The following DAND5 variants were observed in gnomAD, a reference collection of about 807,000 sequenced individuals.
The protein encoded by DAND5 is DAN domain BMP antagonist family member 5, also known as DAN domain family member 5.
Under a neutral mutation model 9.2 loss-of-function variants are expected in DAND5, and 8 were observed. That is an observed-to-expected ratio of 0.87 (90% confidence interval 0.51 to 1.56). DAND5 has a LOEUF of 1.56. Ranked by LOEUF, DAND5 falls within the 40% of genes most tolerant of loss-of-function variation. DAND5 has a pLI of 0.00. For synonymous variants in DAND5, 95 were observed against 101.1 expected (o/e 0.94, Z 0.36); for missense variants, 244 against 244.7 (o/e 1.00, Z 0.02).
rs372927869 is a variant in DAND5, at chr19:12,972,955, T to C, written c.325-434T>C. On this transcript the variant is annotated intron_variant, in intron 1 of 1. Transcript: ENST00000317060. ...TCGGCTCACTACAAGCTCCGCCTCC[T>C]GGGTTCACACCATTCTTCTGCCTCA... Among the ~76,000 whole-genome samples the C allele has an allele frequency of 5.9e-4, 87 of 146,896 alleles. 2 individuals are homozygous for C. Among genetic ancestry groups the C allele is most frequent in the South Asian group, 1.1e-3 (5 of 4,426 alleles).
intron 1 of DAND5, among the ~76,000 whole-genome samples, chr19:12,972,250 G>A (rs1599680035): frequency 6.6e-6 from 1 of 151,850 alleles, no homozygotes; most frequent in South Asian, 2.1e-4. Context: ...TAGTAGAGAC[G>A]GGGTTTCACC....
At chr19:12,973,052 C>CG (rs1322621510) in intron 1 of DAND5, among the ~76,000 whole-genome samples, 21 of 151,204 alleles carry the variant, frequency 1.4e-4, no homozygotes, top group South Asian at 2.1e-4. Flanking sequence ...TTAGTAGAGA[C>CG]GGGGTTTCAC....
chr19:12,973,116 C>T (rs947974472), intron 1 of DAND5, among the ~76,000 whole-genome samples: 14 of 152,090 alleles, frequency 9.2e-5, no homozygotes, highest in Non-Finnish European at 1.9e-4. Context: ...CCCGCCTTGG[C>T]CTCCCAAAGT....
rs200958741 is a variant in DAND5, at chr19:12,973,367, G to A, written c.325-22G>A. The A allele has an allele frequency of 2.4e-5, 38 of 1,611,502 alleles. No individual in the cohort carries two copies. The East Asian group carries it at 4.9e-4, about 21-fold the overall frequency. On this transcript the variant is annotated intron_variant, in intron 1 of 1. Coordinates refer to ENST00000317060, the MANE Select transcript of DAND5 (RefSeq NM_152654.3). ...GGCCCCAAACTCCGCCACCCTGACC[G>A]TCTCCATGCCTCCGGCCCCAGGTGT... is the stretch of plus-strand genomic sequence containing the variant.
chr19:12,970,059 G>A, intron 1 of DAND5, 75 bp downstream of exon 1: 1 of 1,560,376 alleles, frequency 6.4e-7, no homozygotes, highest in Non-Finnish European at 8.7e-7. Flanking sequence ...GCCCAAGAAA[G>A]ATTTGGGTTC....
In DAND5 at chr19:12,969,618, A is replaced by G. The variant is rs1355944231; in HGVS notation, c.-43A>G. The stretch of plus-strand genomic sequence containing the variant: ...GTCGACTGCTAGTGACCTTGAGCCC[A>G]GTCCGGACAGACAGACAGGCAGACA... On this transcript the variant is annotated 5_prime_UTR_variant, in exon 1 of 2. Coordinates refer to ENST00000317060, the MANE Select transcript of DAND5 (RefSeq NM_152654.3). The G allele has an allele frequency of 1.3e-6, 2 of 1,556,508 alleles. No homozygotes were observed. Among genetic ancestry groups the G allele is most frequent in the Non-Finnish European group, 1.7e-6 (2 of 1,154,586 alleles).
At chr19:12,973,284 A>G in intron 1 of DAND5, 105 bp from the exon 2 acceptor site, 1 of 1,491,438 alleles carries the variant, frequency 6.7e-7, no homozygotes, top group Non-Finnish European at 9.0e-7. Flanking sequence ...GCCTGGCTGC[A>G]GCATCCATGC....
chr19:12,970,790 C>T (rs1200992823), intron 1 of DAND5, among the ~76,000 whole-genome samples: 1 of 152,008 alleles, frequency 6.6e-6, no homozygotes, highest in African/African-American at 2.4e-5. Flanking sequence ...AAGTGATTCT[C>T]GTGCCTCAGC....
rs183259329 is a variant in DAND5 at position 12,972,102 on chromosome 19, A to G, written c.325-1287A>G. On this transcript the variant is annotated intron_variant, in intron 1 of 1. Coordinates refer to ENST00000317060, the MANE Select transcript of DAND5 (RefSeq NM_152654.3). The stretch of plus-strand genomic sequence containing the variant: ...GAGACGGAGTCTCGCTCTGTCGCCC[A>G]GGCTGGAGTGCGGTGGTGGGATCTC... 7.4e-3 allele frequency among the ~76,000 whole-genome samples: 1,051 copies of G among 142,096 alleles called. 5 individuals are homozygous for G. The highest frequency in any genetic ancestry group is 0.011 in the Non-Finnish European group (738 of 66,380). The allele number at this position is 142,096 out of a possible 152,430, so 93.2% of individuals were successfully genotyped here.
chr19:12,970,275 G>A (rs11670895), intron 1 of DAND5, among the ~76,000 whole-genome samples: 26,929 of 151,300 alleles, frequency 0.18, 2,977 homozygotes, highest in Middle Eastern at 0.4. Flanking sequence ...ACCTTGCATG[G>A]CTCCCACTTT....
rs186949611 is a variant in DAND5 at position 12,970,556 on chromosome 19, T to G, written c.324+572T>G. 2.5e-5 allele frequency: 13 copies of G among 529,964 alleles called. No homozygotes were observed. In the East Asian group the frequency reaches 3.9e-4, roughly 16 times the overall value. The allele number at this position is 529,964 out of a possible 1,614,324, so 32.8% of individuals were successfully genotyped here. ...TCTAGGTGTGAGCCCGTCTCTTGCTTGATATACCAACTTTCTTTCTTTTCT... is the reference window on the plus strand; with the variant it reads ...TCTAGGTGTGAGCCCGTCTCTTGCTGGATATACCAACTTTCTTTCTTTTCT... On this transcript the variant is annotated intron_variant, in intron 1 of 1. Transcript: ENST00000317060.
rs541749167 is a variant in DAND5 at position 12,973,037 on chromosome 19, T to C, written c.325-352T>C. On this transcript the variant is annotated intron_variant, in intron 1 of 1. Coordinates refer to ENST00000317060, the MANE Select transcript of DAND5 (RefSeq NM_152654.3). ...ACCACCACGCCCGGCTCATTTTTTG[T>C]ATTTTTAGTAGAGACGGGGTTTCAC... Among the ~76,000 whole-genome samples the C allele has an allele frequency of 3.1e-3, 474 of 151,838 alleles. 2 individuals are homozygous for C. The highest frequency in any genetic ancestry group is 5.1e-3 in the Non-Finnish European group (346 of 67,938).
chr19:12,972,618 G>C (rs1267634494), intron 1 of DAND5, among the ~76,000 whole-genome samples: 1 of 151,102 alleles, frequency 6.6e-6, no homozygotes, highest in African/African-American at 2.4e-5. Context: ...TCAACTTGCT[G>C]CAACCTTCAC....
rs1436178378 is a variant in DAND5 at position 12,974,683 on chromosome 19, C to G, written c.*1049C>G. 6.5e-6 allele frequency: 1 copy of G among 152,802 alleles called. No homozygotes were observed. Among genetic ancestry groups the G allele is most frequent in the Non-Finnish European group, 1.5e-5 (1 of 68,522 alleles). The allele number at this position is 152,802 out of a possible 1,614,324, so 9.5% of individuals were successfully genotyped here. On this transcript the variant is annotated 3_prime_UTR_variant, in exon 2 of 2. Coordinates refer to ENST00000317060, the MANE Select transcript of DAND5 (RefSeq NM_152654.3). ...TGGTGCTGTGTCCCTCTCAGACCCCCCACCTGAGTCTCCACAGAGCCCCAC... is the reference window on the plus strand; with the variant it reads ...TGGTGCTGTGTCCCTCTCAGACCCCGCACCTGAGTCTCCACAGAGCCCCAC...
At chr19:12,973,007 C>G (rs977463280) in intron 1 of DAND5, among the ~76,000 whole-genome samples, 1 of 151,582 alleles carries the variant, frequency 6.6e-6, no homozygotes, top group East Asian at 1.9e-4. Flanking sequence ...GGACTACAGG[C>G]GCCCACCACC....
chr19:12,971,389 C>T (rs1599679687), intron 1 of DAND5, among the ~76,000 whole-genome samples: 1 of 152,044 alleles, frequency 6.6e-6, no homozygotes, highest in African/African-American at 2.4e-5. Flanking sequence ...AGCGATTCTC[C>T]TGCCTTAGCC....
intron 1 of DAND5, chr19:12,970,672 T>A (rs1352135395): frequency 4.2e-6 from 2 of 471,240 alleles, no homozygotes; most frequent in Non-Finnish European, 7.5e-6. Context: ...CTTTCTTTCT[T>A]TCTTTTCTCT....
intron 1 of DAND5, chr19:12,970,543 C>T (rs1449041625): frequency 1.6e-6 from 1 of 618,100 alleles, no homozygotes; most frequent in South Asian, 1.8e-5. Context: ...TAGGTGTGAG[C>T]CCGTCTCTTG....
rs2146068037 is a variant in DAND5, at chr19:12,973,946, T to C, written c.*312T>C. 1 of 274,874 alleles carries C rather than the reference T, an allele frequency of 3.6e-6. No homozygotes were observed. Among genetic ancestry groups the C allele is most frequent in the Non-Finnish European group, 7.0e-6 (1 of 143,744 alleles). The allele number at this position is 274,874 out of a possible 1,614,324, so 17.0% of individuals were successfully genotyped here. A position where few individuals can be genotyped will look rare whatever the true frequency, so the allele number is the denominator to read the frequency against. On this transcript the variant is annotated 3_prime_UTR_variant, in exon 2 of 2. Coordinates refer to ENST00000317060, the MANE Select transcript of DAND5 (RefSeq NM_152654.3). ...GGCGCAATCTCAGCTCACTGCAAGCTCCACCTCCCGGGTTTATGCCATTCT... is the reference window on the plus strand; with the variant it reads ...GGCGCAATCTCAGCTCACTGCAAGCCCCACCTCCCGGGTTTATGCCATTCT...
Sources: gnomAD v4.1 joint callset for allele counts (sites outside exome capture counted in the v4.1 genomes callset) on GRCh38, gnomAD v4.1.1 for gene constraint, MANE v1.5 for transcripts, NCBI Gene and HGNC (gene_info 2026-07-23, HGNC 2026-07-21) for gene names.